PLD5: variants seen among roughly 807,000 people sequenced by gnomAD.
PLD5 encodes the protein inactive phospholipase D5.
Under a neutral mutation model 61.1 loss-of-function variants are expected in PLD5, and 36 were observed. That is an observed-to-expected ratio of 0.59 (90% CI 0.45 to 0.78). PLD5 has a LOEUF of 0.78. Ranked by LOEUF, PLD5 falls within the 30% of genes least tolerant of loss-of-function variation. The probability of loss-of-function intolerance (pLI) is 0.00; values close to 1 mark genes in which losing one functional copy is unlikely to be tolerated. For synonymous variants in PLD5, 243 were observed against 242.8 expected, an observed-to-expected ratio of 1.00 and a Z score of -0.01; for missense variants, 515 against 644.4, an observed-to-expected ratio of 0.80 and a Z score of 2.17.
At position 242,340,967 on chromosome 1, in the gene PLD5, A is replaced by G. The variant is rs1448716635; in HGVS notation, c.326+7139T>C. ...TGTCTATCAACAATACCCTTGGACG[A>G]CAATATAAGGACACCCATAGAACTT... On this transcript the variant is annotated intron_variant, in intron 2 of 9. Coordinates refer to ENST00000536534, the MANE Select transcript of PLD5 (RefSeq NM_001372062.1). 8.5e-5 allele frequency among the ~76,000 whole-genome samples: 13 copies of G among 152,202 alleles called. No homozygotes were observed. In the South Asian group the frequency reaches 2.3e-3, roughly 27 times the overall value.
chr1:242,178,234 C>CA (rs1453181061), intron 5 of PLD5: 1 of 152,098 alleles, frequency 6.6e-6, no homozygotes, highest in African/African-American at 2.4e-5. Context: ...TCATTATAAA[C>CA]CTTTAGCTAT....
chr1:242,129,043 T>C (rs1369976701), intron 5 of PLD5, among the ~76,000 whole-genome samples: 1 of 152,200 alleles, frequency 6.6e-6, no homozygotes, highest in African/African-American at 2.4e-5. Context: ...AGAATATTTA[T>C]GAACATTCTC....
intron 3 of PLD5, among the ~76,000 whole-genome samples, chr1:242,276,512 G>A (rs1402320120): frequency 6.7e-6 from 1 of 148,194 alleles, no homozygotes; most frequent in Non-Finnish European, 1.5e-5. Flanking sequence ...ACACAGTGAT[G>A]AACCTGCTGA....
At chr1:242,375,632 G>A (rs1251542371) in intron 1 of PLD5, among the ~76,000 whole-genome samples, 1 of 152,094 alleles carries the variant, frequency 6.6e-6, no homozygotes, top group Non-Finnish European at 1.5e-5. Context: ...TACAAAACAT[G>A]TTGAGGGATA....
chr1:242,291,968 G>C (rs1292450210), intron 2 of PLD5, among the ~76,000 whole-genome samples: 4 of 152,120 alleles, frequency 2.6e-5, no homozygotes, highest in African/African-American at 9.7e-5. Context: ...CAGATGACAG[G>C]GTTCAGAAGA....
chr1:242,501,021 A>T (rs918038159), intron 1 of PLD5, among the ~76,000 whole-genome samples: 1 of 152,196 alleles, frequency 6.6e-6, no homozygotes, highest in Admixed American at 6.5e-5. Flanking sequence ...CATAAAAAGG[A>T]AAATAAATTT....
chr1:242,177,441 G>A (rs1667232015), intron 5 of PLD5, among the ~76,000 whole-genome samples: 1 of 152,146 alleles, frequency 6.6e-6, no homozygotes, highest in African/African-American at 2.4e-5. Context: ...GGGAGGGATA[G>A]CATTAGGAGA....
intron 1 of PLD5, among the ~76,000 whole-genome samples, chr1:242,504,483 C>A (rs559674174): frequency 6.6e-6 from 1 of 152,316 alleles, no homozygotes; most frequent in Non-Finnish European, 1.5e-5. Flanking sequence ...GAAGGTTACT[C>A]AATTCATTTT....
At chr1:242,364,430 T>C (rs1661229990) in intron 1 of PLD5, among the ~76,000 whole-genome samples, 1 of 152,180 alleles carries the variant, frequency 6.6e-6, no homozygotes, top group Admixed American at 6.5e-5. Flanking sequence ...AAAAGAATTT[T>C]AGAAAGCCAG....
At chr1:242,413,801 C>A (rs1037891200) in intron 1 of PLD5, among the ~76,000 whole-genome samples, 1 of 152,120 alleles carries the variant, frequency 6.6e-6, no homozygotes, top group African/African-American at 2.4e-5. Flanking sequence ...CAATCTGAAG[C>A]AGTTTGGAGC....
At chr1:242,530,043 A>C in the PLD5 span, among the ~76,000 whole-genome samples, 1 of 152,102 alleles carries the variant, frequency 6.6e-6, no homozygotes, top group Admixed American at 6.5e-5. Flanking sequence ...ACAGGTGCCC[A>C]CCACCACACC....
chr1:242,200,224 A>C (rs1402036812), intron 5 of PLD5, among the ~76,000 whole-genome samples: 1 of 152,192 alleles, frequency 6.6e-6, no homozygotes, highest in Non-Finnish European at 1.5e-5. Flanking sequence ...GTACAGGAAT[A>C]CCTGAATTCC....
chr1:242,223,719 T>C (rs774694884), intron 4 of PLD5, among the ~76,000 whole-genome samples: 22 of 152,206 alleles, frequency 1.4e-4, no homozygotes, highest in Non-Finnish European at 2.5e-4. Context: ...AAAATATATA[T>C]TTTTGTATAT....
intron 1 of PLD5, among the ~76,000 whole-genome samples, chr1:242,388,107 T>C (rs542335225): frequency 2.0e-5 from 3 of 152,120 alleles, no homozygotes; most frequent in Non-Finnish European, 4.4e-5. Flanking sequence ...AGATTTAACG[T>C]TGGAAACAAA....
Position 242,088,411 on chromosome 1 carries a change from G to A in PLD5, c.*1443C>T, listed in dbSNP as rs1659572590. 1 of 152,118 alleles carries A rather than the reference G, an allele frequency of 6.6e-6. No individual in the cohort carries two copies. Among genetic ancestry groups the A allele is most frequent in the Non-Finnish European group, 1.5e-5 (1 of 68,018 alleles). The allele number at this position is 152,118 out of a possible 1,614,324, so 9.4% of individuals were successfully genotyped here. The stretch of plus-strand genomic sequence containing the variant: ...GTTGATTCCATCAAGATATGACAAA[G>A]TTTATTTCAAGAAAAAGATTATATA... On this transcript the variant is annotated 3_prime_UTR_variant, in exon 10 of 10. Transcript: ENST00000536534.
At chr1:242,456,399 G>A (rs571955661) in intron 1 of PLD5, among the ~76,000 whole-genome samples, 2 of 152,282 alleles carry the variant, frequency 1.3e-5, no homozygotes, top group East Asian at 1.9e-4. Context: ...GGCTGGTGGC[G>A]ACTGGACTGA....
At chr1:242,229,911 A>C (rs1324806472) in intron 4 of PLD5, among the ~76,000 whole-genome samples, 1 of 151,868 alleles carries the variant, frequency 6.6e-6, no homozygotes, top group Non-Finnish European at 1.5e-5. Context: ...TATTGATAAA[A>C]AAAAAAAAAA....
At chr1:242,221,874 T>C (rs1174215652) in intron 4 of PLD5, among the ~76,000 whole-genome samples, 1 of 152,192 alleles carries the variant, frequency 6.6e-6, no homozygotes, top group Non-Finnish European at 1.5e-5. Context: ...TGTCCTTAGA[T>C]ACGGGATTAG....
intron 1 of PLD5, among the ~76,000 whole-genome samples, chr1:242,361,399 A>T (rs540745484): frequency 6.6e-6 from 1 of 152,300 alleles, no homozygotes; most frequent in Admixed American, 6.5e-5. Context: ...AGAGCCACAT[A>T]AATAATATCA....
Sources: allele counts gnomAD v4.1 joint callset (sites outside exome capture counted in the v4.1 genomes callset), GRCh38; gene constraint gnomAD v4.1.1; transcripts MANE v1.5; gene names NCBI Gene and HGNC (gene_info 2026-07-23, HGNC 2026-07-21).